The following ESRRB variants were observed in gnomAD, a reference collection of about 807,000 sequenced individuals.
ESRRB encodes the protein steroid hormone receptor ERR2.
A neutral mutation model predicts 46.0 loss-of-function variants in ESRRB; 16 were observed. That is an observed-to-expected ratio of 0.35 (90% CI 0.24 to 0.53). The LOEUF (loss-of-function observed/expected upper bound fraction) is 0.53. Among genes scored for constraint, ESRRB ranks in the 20% least tolerant of loss-of-function variants. The pLI, the probability that ESRRB is intolerant of heterozygous loss-of-function variation, is 0.93. For synonymous variants in ESRRB, 246 were observed against 259.6 expected (o/e 0.95, Z 0.50); for missense variants, 488 against 607.4 (o/e 0.80, Z 2.07).
intron 1 of ESRRB, among the ~76,000 whole-genome samples, chr14:76,395,302 G>A (rs1885630430): frequency 6.6e-6 from 1 of 152,164 alleles, no homozygotes; most frequent in Admixed American, 6.5e-5. Flanking sequence ...GTACCTAACT[G>A]GCCATCCCTG....
rs1302097951 is a variant in ESRRB, at chr14:76,501,620, A to T, written c.*3162A>T. The T allele has an allele frequency of 1.3e-5, 2 of 152,172 alleles. No individual in the cohort carries two copies. Among genetic ancestry groups the T allele is most frequent in the East Asian group, 3.8e-4 (2 of 5,204 alleles). 9.4% of individuals were successfully genotyped at this position (152,172 alleles called of 1,614,324 possible). On this transcript the variant is annotated 3_prime_UTR_variant, in exon 7 of 7. Coordinates refer to ENST00000644823, the MANE Select transcript of ESRRB (RefSeq NM_001379180.1). ...AGCACCAAAGAAAAGCACTATGTGG[A>T]AAGATTGTTTTATTTTCTAATAATG...
At chr14:76,487,169 T>A (rs551003995) in intron 5 of ESRRB, among the ~76,000 whole-genome samples, 11 of 152,190 alleles carry the variant, frequency 7.2e-5, no homozygotes, top group Non-Finnish European at 1.0e-4. Context: ...ACCTGCTTTT[T>A]CCATTTAATT....
intron 1 of ESRRB, among the ~76,000 whole-genome samples, chr14:76,424,410 T>C (rs1887109229): frequency 6.6e-6 from 1 of 152,206 alleles, no homozygotes; most frequent in Non-Finnish European, 1.5e-5. Flanking sequence ...ATCCCCTTTC[T>C]TGGACCCTGA....
chr14:76,376,089 A>G, upstream of ESRRB: 1 of 197,616 alleles, frequency 5.1e-6, no homozygotes, highest in African/African-American at 2.5e-5. This position sits in a 1 kb window ranked among gnomAD's most constrained non-coding sequence, Gnocchi z 4.1. Flanking sequence ...GAGCCAAACT[A>G]TACATCAGTC....
In ESRRB at chr14:76,439,275, G is replaced by A. The variant is rs967348844; in HGVS notation, c.51-66G>A. 10 of 1,581,720 alleles carry A rather than the reference G, an allele frequency of 6.3e-6. No homozygotes were observed. The Admixed American group carries it at 1.5e-4, about 24-fold the overall frequency. On this transcript the variant is annotated intron_variant, in intron 1 of 6. Transcript: ENST00000644823. ...GCCCTTCCCAGCCACCCTACCTGCG[G>A]GGCTGGACCCGCCCACCACACCCAC...
intron 2 of ESRRB, among the ~76,000 whole-genome samples, chr14:76,443,810 G>A (rs957828880): frequency 6.6e-6 from 1 of 152,284 alleles, no homozygotes; most frequent in Non-Finnish European, 1.5e-5. Context: ...TGAAAGATTC[G>A]TAAATAGTCT....
chr14:76,424,469 C>T (rs542451575), intron 1 of ESRRB, among the ~76,000 whole-genome samples: 1 of 152,280 alleles, frequency 6.6e-6, no homozygotes, highest in African/African-American at 2.4e-5. Flanking sequence ...ATGGCCATGA[C>T]CAGGGAGTGG....
chr14:76,354,310 G>T (rs192403496), intron 1 of ESRRB, among the ~76,000 whole-genome samples: 1 of 149,296 alleles, frequency 6.7e-6, no homozygotes, highest in African/African-American at 2.5e-5. Flanking sequence ...CTGGGCTGTG[G>T]GGCTGCTGAC....
At chr14:76,431,099 C>T (rs988099396) in intron 1 of ESRRB, among the ~76,000 whole-genome samples, 2 of 152,194 alleles carry the variant, frequency 1.3e-5, no homozygotes, top group East Asian at 3.9e-4. Flanking sequence ...AGTTCGATAC[C>T]AGCCTACCCA....
intron 3 of ESRRB, among the ~76,000 whole-genome samples, chr14:76,480,385 G>A (rs1039149044): frequency 4.6e-5 from 7 of 152,188 alleles, no homozygotes; most frequent in East Asian, 1.9e-4. Context: ...GCAGAGGGGT[G>A]GGGGGTAGTG....
chr14:76,448,351 C>T (rs1371805603), intron 2 of ESRRB, among the ~76,000 whole-genome samples: 13 of 146,942 alleles, frequency 8.8e-5, no homozygotes, highest in Admixed American at 2.0e-4. Context: ...TTTTTGAGAC[C>T]GAGTCTCCCT....
chr14:76,462,536 T>C lies in ESRRB; in HGVS notation c.461-9T>C, dbSNP rs764540279. 6.2e-7 allele frequency: 1 copy of C among 1,610,014 alleles called. No homozygotes were observed. The highest frequency in any genetic ancestry group is 8.5e-7 in the Non-Finnish European group (1 of 1,176,488). ...AGCACCCGGCAACCCTCTCTGTGTC[T>C]GGTTGCAGGGAACATTGAGTACAGC... is the stretch of plus-strand genomic sequence containing the variant. On this transcript the variant is annotated splice_polypyrimidine_tract_variant and intron_variant, in intron 2 of 6. Coordinates refer to ENST00000644823, the MANE Select transcript of ESRRB (RefSeq NM_001379180.1).
chr14:76,358,397 A>AAGAAAGAAAGAGAGAGAGAG (rs1566859715), intron 1 of ESRRB, among the ~76,000 whole-genome samples: 1 of 126,970 alleles, frequency 7.9e-6, no homozygotes, highest in African/African-American at 3.1e-5. Context: ...GAAAGAAAGA[A>AAGAAAGAAAGAGAGAGAGAG]AGAAAGAAAG....
chr14:76,333,842 C>T (rs58380618), intron 1 of ESRRB, among the ~76,000 whole-genome samples: 17,472 of 152,040 alleles, frequency 0.11, 1,246 homozygotes, highest in African/African-American at 0.19. Flanking sequence ...CTGCATTTCA[C>T]GTGCTCAGTG....
rs935354 is a variant in ESRRB at position 76,357,239 on chromosome 14, C to T, written c.2+46323C>T. ...AGGTGCAAGGAGGAGCTCAGAAATG[C>T]ACAAAAGTATTACCCAAGATGGGAT... On this transcript the variant is annotated intron_variant, in intron 1 of 6. Coordinates refer to the ESRRB transcript ENST00000512784. Among the ~76,000 whole-genome samples, 667 of 152,344 alleles carry T rather than the reference C, an allele frequency of 4.4e-3. 6 individuals carry two copies. The highest frequency in any genetic ancestry group is 6.8e-3 in the Middle Eastern group (2 of 294).
At chr14:76,369,550 AG>A (rs1257735978), upstream of ESRRB, among the ~76,000 whole-genome samples, 1 of 152,136 alleles carries the variant, frequency 6.6e-6, no homozygotes, top group Non-Finnish European at 1.5e-5. Context: ...CTGGGATTAT[AG>A]GCACGAGCCA....
intron 2 of ESRRB, among the ~76,000 whole-genome samples, chr14:76,445,663 A>G (rs1888113241): frequency 6.6e-6 from 1 of 150,878 alleles, no homozygotes; most frequent in Non-Finnish European, 1.5e-5. Flanking sequence ...ACTAAGACCG[A>G]GTCATTCCTT....
chr14:76,446,989 C>T (rs1021444792), intron 2 of ESRRB, among the ~76,000 whole-genome samples: 1 of 152,154 alleles, frequency 6.6e-6, no homozygotes, highest in Non-Finnish European at 1.5e-5. Flanking sequence ...ATGACTCTGC[C>T]TCCTGTTTTA....
At chr14:76,439,318 G>T in intron 1 of ESRRB, 23 bp from the exon 2 acceptor site, 1 of 1,613,484 alleles carries the variant, frequency 6.2e-7, no homozygotes, top group South Asian at 1.1e-5. Flanking sequence ...TGCTGGGGCT[G>T]ACTTCCCGAT....
Sources: gnomAD v4.1 joint callset for allele counts (sites outside exome capture counted in the v4.1 genomes callset) on GRCh38, gnomAD v4.1.1 for gene constraint, Gnocchi (gnomAD v3.1) non-coding constraint, MANE v1.5 for transcripts, NCBI Gene and HGNC (gene_info 2026-07-23, HGNC 2026-07-21) for gene names.